The following AGBL4 variants were observed in gnomAD, a reference collection of about 807,000 sequenced individuals.
AGBL4 encodes cytosolic carboxypeptidase 6.
AGBL4 carries 58 observed loss-of-function variants against 66.4 expected under a neutral mutation model. That is an observed-to-expected ratio of 0.87 (90% CI 0.71 to 1.09). The LOEUF (loss-of-function observed/expected upper bound fraction) is 1.09, where lower values mean the gene tolerates loss of function less well. Among genes scored for constraint, AGBL4 ranks in the 50% least tolerant of loss-of-function variants. The pLI, the probability that AGBL4 is intolerant of heterozygous loss-of-function variation, is 0.00. For synonymous variants in AGBL4, 234 were observed against 222.9 expected (o/e 1.05, Z -0.44); for missense variants, 579 against 631.0 (o/e 0.92, Z 0.88).
chr1:49,430,587 C>A (rs374969664), intron 3 of AGBL4, among the ~76,000 whole-genome samples: 2 of 152,142 alleles, frequency 1.3e-5, no homozygotes, highest in East Asian at 3.8e-4. Flanking sequence ...TCTGAAAGAG[C>A]AGAGTTAGAA....
At chr1:49,369,146 C>G (rs1225457355) in intron 3 of AGBL4, among the ~76,000 whole-genome samples, 1 of 152,100 alleles carries the variant, frequency 6.6e-6, no homozygotes, top group Non-Finnish European at 1.5e-5. Flanking sequence ...CAAAGTCTCA[C>G]AAAATTAGCA....
chr1:49,761,915 T>G (rs1257494197), intron 2 of AGBL4, among the ~76,000 whole-genome samples: 1 of 152,208 alleles, frequency 6.6e-6, no homozygotes, highest in Admixed American at 6.5e-5. Context: ...CTATAATAGT[T>G]TTTTAAGGCT....
intron 4 of AGBL4, among the ~76,000 whole-genome samples, chr1:49,142,265 G>T (rs985253662): frequency 1.3e-5 from 2 of 152,078 alleles, no homozygotes; most frequent in South Asian, 2.1e-4. Flanking sequence ...TGCCAAAAAG[G>T]TTGGAGACTG....
At chr1:48,753,392 C>A (rs975801893) in intron 6 of AGBL4, among the ~76,000 whole-genome samples, 8 of 152,250 alleles carry the variant, frequency 5.3e-5, no homozygotes, top group African/African-American at 1.9e-4. Flanking sequence ...CCCAGGTTGT[C>A]TCCAGTACAG....
chr1:48,727,984 GTC>G, intron 6 of AGBL4: 1 of 1,611,998 alleles, frequency 6.2e-7, no homozygotes, highest in Non-Finnish European at 8.5e-7. Context: ...ACTTTGGAGA[GTC>G]TCTGTGCAAT....
At chr1:49,648,788 T>G (rs1327230652) in intron 3 of AGBL4, among the ~76,000 whole-genome samples, 1 of 151,794 alleles carries the variant, frequency 6.6e-6, no homozygotes, top group East Asian at 1.9e-4. Context: ...GGAAAAATAC[T>G]TTCTCAAATA....
intron 11 of AGBL4, among the ~76,000 whole-genome samples, chr1:48,555,253 A>G (rs1644304838): frequency 6.6e-6 from 1 of 152,062 alleles, no homozygotes; most frequent in Non-Finnish European, 1.5e-5. Flanking sequence ...TTGAGAATCT[A>G]TGATGTACCA....
At chr1:48,637,668 C>T (rs1645690178) in intron 8 of AGBL4, among the ~76,000 whole-genome samples, 1 of 152,192 alleles carries the variant, frequency 6.6e-6, no homozygotes, top group Non-Finnish European at 1.5e-5. Flanking sequence ...AGTATTCTGG[C>T]CCTTCAGAGC....
At chr1:48,536,229 T>C (rs1643968600) in intron 12 of AGBL4, among the ~76,000 whole-genome samples, 1 of 152,030 alleles carries the variant, frequency 6.6e-6, no homozygotes, top group African/African-American at 2.4e-5. Flanking sequence ...AAAAAGGATG[T>C]ACAAAGACAT....
intron 11 of AGBL4, 29 bp downstream of exon 11, chr1:48,586,975 G>A (rs1401897391): frequency 1.2e-6 from 2 of 1,608,258 alleles, no homozygotes; most frequent in Admixed American, 1.7e-5. Context: ...ATGAGGGCTG[G>A]CCCAAGGCTG....
chr1:49,139,965 C>T (rs1646087149), intron 4 of AGBL4, among the ~76,000 whole-genome samples: 2 of 152,108 alleles, frequency 1.3e-5, no homozygotes, highest in African/African-American at 4.8e-5. Flanking sequence ...TTCATATCCA[C>T]ATACTACCAG....
intron 1 of AGBL4, among the ~76,000 whole-genome samples, chr1:49,943,582 A>G (rs912348793): frequency 1.3e-5 from 2 of 152,130 alleles, no homozygotes; most frequent in Non-Finnish European, 2.9e-5. Flanking sequence ...CAATTTAGAG[A>G]ACCGAGAGAA....
At position 49,902,468 on chromosome 1, in the gene AGBL4, G is replaced by C. The variant is rs374002598; in HGVS notation, c.35-50950C>G. On this transcript the variant is annotated intron_variant, in intron 1 of 13. Transcript: ENST00000371839. Reference sequence around the variant, plus strand: ...TAATCATTAGAGAAATGCAAATCAGGCCGGGTGTGGTGGCTCACGCCTGTA... The same window carrying C: ...TAATCATTAGAGAAATGCAAATCAGCCCGGGTGTGGTGGCTCACGCCTGTA... Among the ~76,000 whole-genome samples the C allele has an allele frequency of 1.4e-3, 210 of 152,246 alleles. 1 individual carries two copies. The highest frequency in any genetic ancestry group is 4.7e-3 in the African/African-American group (197 of 41,564).
rs1349272147 is a variant in AGBL4 at position 49,548,737 on chromosome 1, C to A, written c.282+148576G>T. Among the ~76,000 whole-genome samples, 6 of 152,008 alleles carry A rather than the reference C, an allele frequency of 3.9e-5. No individual in the cohort carries two copies. The East Asian group carries it at 1.2e-3, about 29-fold the overall frequency. The stretch of plus-strand genomic sequence containing the variant: ...ATCAAGGATATCAGTCTGTAGTTTT[C>A]TTTTTTGGTTAAGTCCTTTCCTGGT... On this transcript the variant is annotated intron_variant, in intron 3 of 13. Transcript: ENST00000371839.
chr1:49,843,039 G>A (rs1646040516), intron 2 of AGBL4, among the ~76,000 whole-genome samples: 1 of 152,174 alleles, frequency 6.6e-6, no homozygotes, highest in African/African-American at 2.4e-5. Flanking sequence ...CCCACTGACA[G>A]GCAATTTCCC....
intron 9 of AGBL4, among the ~76,000 whole-genome samples, chr1:48,597,057 G>A (rs1645005007): frequency 6.6e-6 from 1 of 152,154 alleles, no homozygotes; most frequent in African/African-American, 2.4e-5. Context: ...AGGTGAGAAT[G>A]CTTATCCTCT....
intron 3 of AGBL4, among the ~76,000 whole-genome samples, chr1:49,461,623 CCCA>C (rs1325846011): frequency 2.7e-5 from 4 of 147,676 alleles, no homozygotes; most frequent in Non-Finnish European, 4.5e-5. Context: ...CCCCCAGCCC[CCCA>C]CCCTACCAAC....
At chr1:49,756,514 ATACT>A (rs1456138907) in intron 2 of AGBL4, among the ~76,000 whole-genome samples, 9 of 152,360 alleles carry the variant, frequency 5.9e-5, no homozygotes, top group South Asian at 2.1e-4. Context: ...AAAATGACTG[ATACT>A]TACTACTATA....
At chr1:49,655,979 TC>T (rs1473806831) in intron 3 of AGBL4, among the ~76,000 whole-genome samples, 1 of 152,032 alleles carries the variant, frequency 6.6e-6, no homozygotes, top group Non-Finnish European at 1.5e-5. Flanking sequence ...AAACCCCGTC[TC>T]TATTAAAAAT....
Sources: allele counts gnomAD v4.1 joint callset (sites outside exome capture counted in the v4.1 genomes callset), GRCh38; gene constraint gnomAD v4.1.1; transcripts MANE v1.5; gene names NCBI Gene and HGNC (gene_info 2026-07-23, HGNC 2026-07-21).